PDE10A: variants seen among roughly 807,000 people sequenced by gnomAD.
PDE10A encodes the protein phosphodiesterase 10A, also known as cAMP and cAMP-inhibited cGMP 3',5'-cyclic phosphodiesterase 10A.
PDE10A carries 39 observed loss-of-function variants against 97.7 expected under a neutral mutation model. The observed-to-expected ratio is 0.40, with a 90% CI of 0.31 to 0.52. PDE10A has a LOEUF of 0.52. Ranked by LOEUF, PDE10A falls within the 20% of genes least tolerant of loss-of-function variation. The pLI is 0.56. For synonymous variants in PDE10A, 371 were observed against 376.8 expected, an observed-to-expected ratio of 0.98 and a Z score of 0.18; for missense variants, 731 against 1,047.8, an observed-to-expected ratio of 0.70 and a Z score of 4.17.
In PDE10A at chr6:165,943,255, G is replaced by GA. The variant is rs1285571551; in HGVS notation, c.-615+44273dup. Among the ~76,000 whole-genome samples, 104 of 98,004 alleles carry GA rather than the reference G, an allele frequency of 1.1e-3. 1 individual carries two copies. Among genetic ancestry groups the GA allele is most frequent in the Non-Finnish European group, 1.4e-3 (72 of 50,382 alleles). The allele number at this position is 98,004 out of a possible 152,430, so 64.3% of individuals were successfully genotyped here. On this transcript the variant is annotated intron_variant, in intron 1 of 19. Transcript: ENST00000366882. ...AGAAAGAAGGAAGGAAGGAAGGAAG[G>GA]AAGGAAGGAAGGAAGGAAGGAAAGA...
chr6:165,954,997 C>T (rs958157863), intron 1 of PDE10A, among the ~76,000 whole-genome samples: 2 of 152,144 alleles, frequency 1.3e-5, no homozygotes, highest in Admixed American at 6.5e-5. Context: ...TCCAACCTGC[C>T]TTACACCTCC....
At chr6:165,429,824 G>C (rs188336507) in intron 9 of PDE10A, among the ~76,000 whole-genome samples, 2 of 151,764 alleles carry the variant, frequency 1.3e-5, no homozygotes, top group Non-Finnish European at 2.9e-5. Flanking sequence ...CCAAACCAGC[G>C]AAATAAAACA....
intron 1 of PDE10A, among the ~76,000 whole-genome samples, chr6:165,919,871 C>T (rs920045141): frequency 2.0e-5 from 3 of 152,160 alleles, no homozygotes; most frequent in Non-Finnish European, 2.9e-5. Context: ...CAGAACGTGC[C>T]CTTCTTGATA....
At chr6:165,790,172 G>T (rs1400243583) in intron 1 of PDE10A, among the ~76,000 whole-genome samples, 2 of 152,154 alleles carry the variant, frequency 1.3e-5, no homozygotes, top group African/African-American at 4.8e-5. Flanking sequence ...ATACTTTGTG[G>T]CTAAACATGT....
At chr6:165,513,575 G>A (rs770849457) in intron 2 of PDE10A, among the ~76,000 whole-genome samples, 1 of 151,960 alleles carries the variant, frequency 6.6e-6, no homozygotes, top group Non-Finnish European at 1.5e-5. Flanking sequence ...TCTATAAAAA[G>A]ACCTGCGGGG....
At chr6:165,692,194 A>T (rs1227406844) in intron 1 of PDE10A, among the ~76,000 whole-genome samples, 2 of 152,174 alleles carry the variant, frequency 1.3e-5, no homozygotes, top group Non-Finnish European at 2.9e-5. Context: ...GCGTGGGCTT[A>T]TACCTTGCTC....
At chr6:165,540,043 C>T (rs919203589) in intron 2 of PDE10A, among the ~76,000 whole-genome samples, 13 of 152,136 alleles carry the variant, frequency 8.5e-5, no homozygotes, top group African/African-American at 2.9e-4. Flanking sequence ...GCAAATGTAG[C>T]GACCCTCAGG....
At position 165,332,935 on chromosome 6, in the gene PDE10A, T is replaced by TCCC; in HGVS notation, c.*87_*89dup. On this transcript the variant is annotated 3_prime_UTR_variant, in exon 22 of 22. Coordinates refer to ENST00000539869, the MANE Select transcript of PDE10A (RefSeq NM_001385079.1). ...TGCACCCCAGTTACCAGGTGCAGGT[T>TCCC]CCCCCCACCCCCCCCAAAAAAAGGA... 3.4e-6 allele frequency: 2 copies of TCCC among 593,422 alleles called. No individual in the cohort carries two copies. The highest frequency in any genetic ancestry group is 1.9e-5 in the African/African-American group (1 of 51,746). The allele number at this position is 593,422 out of a possible 1,614,324, so 36.8% of individuals were successfully genotyped here.
At chr6:165,860,401 G>A (rs1011500798) in intron 1 of PDE10A, among the ~76,000 whole-genome samples, 2 of 152,158 alleles carry the variant, frequency 1.3e-5, no homozygotes, top group African/African-American at 2.4e-5. Flanking sequence ...GCGGTGAGCC[G>A]AGATCATGCC....
intron 1 of PDE10A, among the ~76,000 whole-genome samples, chr6:165,596,889 A>ATAAAG (rs1321868266): frequency 6.6e-6 from 1 of 151,982 alleles, no homozygotes; most frequent in Non-Finnish European, 1.5e-5. Context: ...GTGCCTCCAA[A>ATAAAG]TATGCCAGCC....
chr6:165,346,068 G>C (rs1366143050), intron 18 of PDE10A, among the ~76,000 whole-genome samples: 1 of 152,222 alleles, frequency 6.6e-6, no homozygotes, highest in Non-Finnish European at 1.5e-5. Context: ...GGAGAAACAG[G>C]CTGGAGACAA....
chr6:165,594,054 T>C (rs926194935), intron 1 of PDE10A, among the ~76,000 whole-genome samples: 16 of 152,260 alleles, frequency 1.1e-4, no homozygotes, highest in Non-Finnish European at 2.4e-4. Flanking sequence ...TGGATTTGAA[T>C]TGGAGATAGC....
At chr6:165,605,642 G>A (rs1445659688) in intron 1 of PDE10A, among the ~76,000 whole-genome samples, 1 of 152,048 alleles carries the variant, frequency 6.6e-6, no homozygotes, top group Non-Finnish European at 1.5e-5. Flanking sequence ...ATCTTCCACT[G>A]AAGCAACACG....
At chr6:165,451,536 C>G (rs1483143478) in intron 3 of PDE10A, among the ~76,000 whole-genome samples, 1 of 152,194 alleles carries the variant, frequency 6.6e-6, no homozygotes, top group Non-Finnish European at 1.5e-5. Context: ...CTATCCAGCT[C>G]AAAACTGCGT....
intron 1 of PDE10A, among the ~76,000 whole-genome samples, chr6:165,804,479 G>T (rs911260637): frequency 6.6e-6 from 1 of 152,200 alleles, no homozygotes; most frequent in Admixed American, 6.5e-5. Flanking sequence ...GTATTGTGCG[G>T]TGGGGAGAGA....
In PDE10A at chr6:165,832,799, C is replaced by A. The variant is rs543369421; in HGVS notation, c.-615+154730G>T. Among the ~76,000 whole-genome samples, 299 of 152,328 alleles carry A rather than the reference C, an allele frequency of 2.0e-3. 1 individual carries two copies. Among genetic ancestry groups the A allele is most frequent in the African/African-American group, 6.9e-3 (286 of 41,578 alleles). On this transcript the variant is annotated intron_variant, in intron 1 of 19. Coordinates refer to the PDE10A transcript ENST00000366882. Reference sequence around the variant, plus strand: ...TCTGGGTTTGACAGAGTTTAATTGGCAGAATGTGTTGGAGACATTTTGTGG... The same window carrying A: ...TCTGGGTTTGACAGAGTTTAATTGGAAGAATGTGTTGGAGACATTTTGTGG...
intron 1 of PDE10A, among the ~76,000 whole-genome samples, chr6:165,713,190 CG>C (rs1791944810): frequency 6.6e-6 from 1 of 152,198 alleles, no homozygotes; most frequent in Non-Finnish European, 1.5e-5. Context: ...GAGCAGATCA[CG>C]AGTGCCCGTG....
At chr6:165,617,907 C>A (rs1787801507) in intron 1 of PDE10A, among the ~76,000 whole-genome samples, 1 of 152,058 alleles carries the variant, frequency 6.6e-6, no homozygotes, top group Non-Finnish European at 1.5e-5. Context: ...CTTCTTTTCC[C>A]CCAAGCAGAT....
intron 3 of PDE10A, among the ~76,000 whole-genome samples, chr6:165,469,853 T>G (rs1044741851): frequency 2.6e-5 from 4 of 152,282 alleles, no homozygotes; most frequent in African/African-American, 7.2e-5. Flanking sequence ...TGTTTATAAG[T>G]ATCATTTTGG....
Sources: allele counts gnomAD v4.1 joint callset (sites outside exome capture counted in the v4.1 genomes callset), GRCh38; gene constraint gnomAD v4.1.1; transcripts MANE v1.5; gene names NCBI Gene and HGNC (gene_info 2026-07-23, HGNC 2026-07-21).